PXDNL: variants seen among roughly 807,000 people sequenced by gnomAD.
PXDNL encodes the protein probable oxidoreductase PXDNL.
A neutral mutation model predicts 150.8 loss-of-function variants in PXDNL; 145 were observed. That is an observed-to-expected ratio of 0.96 (90% confidence interval 0.84 to 1.10). The LOEUF is 1.10. Ranked by LOEUF, PXDNL falls within the 50% of genes least tolerant of loss-of-function variation. The pLI, the probability that PXDNL is intolerant of heterozygous loss-of-function variation, is 0.00. For missense variants in PXDNL, 2,087 were observed against 1,873.9 expected (o/e 1.11, Z -2.10); for synonymous variants, 757 against 725.7 (o/e 1.04, Z -0.69).
intron 1 of PXDNL, among the ~76,000 whole-genome samples, chr8:51,730,707 G>A (rs561309852): frequency 3.3e-5 from 5 of 152,198 alleles, no homozygotes; most frequent in Non-Finnish European, 7.4e-5. Flanking sequence ...CTGGGTAATT[G>A]TTAAAGGAAA....
intron 2 of PXDNL, among the ~76,000 whole-genome samples, chr8:51,607,330 T>C (rs2130700425): frequency 6.6e-6 from 1 of 152,260 alleles, no homozygotes; most frequent in East Asian, 1.9e-4. Flanking sequence ...ATAGAAGTAA[T>C]TACTATGATC....
chr8:51,428,408 GT>G, intron 12 of PXDNL, among the ~76,000 whole-genome samples: 1 of 152,162 alleles, frequency 6.6e-6, no homozygotes, highest in Non-Finnish European at 1.5e-5. Context: ...ATAGCTAAAT[GT>G]TTTTGACAAA....
chr8:51,744,348 GAGAA>G (rs2036950643), intron 1 of PXDNL, among the ~76,000 whole-genome samples: 1 of 150,364 alleles, frequency 6.7e-6, no homozygotes, highest in Non-Finnish European at 1.5e-5. Flanking sequence ...GAGAGAAAGA[GAGAA>G]AGAAAAGAGA....
intron 1 of PXDNL, among the ~76,000 whole-genome samples, chr8:51,787,086 C>T (rs1221633329): frequency 4.5e-5 from 6 of 131,992 alleles, no homozygotes; most frequent in Admixed American, 1.7e-4. Context: ...TCTACTGCTG[C>T]AACCTACTTC....
chr8:51,708,138 A>G (rs1030964887), intron 1 of PXDNL, among the ~76,000 whole-genome samples: 1 of 152,220 alleles, frequency 6.6e-6, no homozygotes, highest in Non-Finnish European at 1.5e-5. Context: ...TCCTGAGAAT[A>G]TATGTCGAGT....
At chr8:51,765,854 T>C (rs2037223483) in intron 1 of PXDNL, among the ~76,000 whole-genome samples, 1 of 151,952 alleles carries the variant, frequency 6.6e-6, no homozygotes, top group African/African-American at 2.4e-5. Context: ...TTATTCTTTT[T>C]TTTTTTTGAG....
intron 3 of PXDNL, among the ~76,000 whole-genome samples, chr8:51,561,866 T>TTG (rs2130560578): frequency 6.6e-6 from 1 of 152,112 alleles, no homozygotes; most frequent in East Asian, 1.9e-4. Context: ...ATTTTATGTT[T>TTG]TGTATTTTTT....
chr8:51,339,881 TAAAAG>T lies in PXDNL; in HGVS notation c.4017-133_4017-129del. 5.9e-6 allele frequency: 5 copies of T among 848,240 alleles called. No homozygotes were observed. In the South Asian group the frequency reaches 1.0e-4, roughly 18 times the overall value. The allele number at this position is 848,240 out of a possible 1,614,324, so 52.5% of individuals were successfully genotyped here. A position where few individuals can be genotyped will look rare whatever the true frequency, so the allele number is the denominator to read the frequency against. Reference sequence around the variant, plus strand: ...TTGTGATTGGTGTTCTTTGTGATCTTAAAAGGAAAATGGTATGAGTGGAATTCAAA... The same window carrying T: ...TTGTGATTGGTGTTCTTTGTGATCTTGAAAATGGTATGAGTGGAATTCAAA... On this transcript the variant is annotated intron_variant, in intron 20 of 22. Transcript: ENST00000356297.
Position 51,447,071 on chromosome 8 carries a change from A to T in PXDNL, c.1458T>A (p.Tyr486Ter), listed in dbSNP as rs1401964816. 1 of 1,614,026 alleles carries T rather than the reference A, an allele frequency of 6.2e-7. No homozygotes were observed. Among genetic ancestry groups the T allele is most frequent in the Admixed American group, 1.7e-5 (1 of 60,018 alleles). ...DRAAQHDQGQ[Y>*]ECQAVSSLGV... ...CCAACGAACTGACTGCTTGACATTC[A>T]TATTGGCCTTGATCGTGCTGTGCTG... is the stretch of plus-strand genomic sequence containing the variant. The change falls in exon 12 of 23, where the codon TAT (tyrosine) becomes TAA (stop). Residue 486 changes from tyrosine to a stop codon, truncating the protein, a stop_gained. Coordinates refer to ENST00000356297, the MANE Select transcript of PXDNL (RefSeq NM_144651.5). LOFTEE classifies it high-confidence loss of function.
chr8:51,387,068 T>C (rs1297655904), intron 17 of PXDNL, among the ~76,000 whole-genome samples: 2 of 152,212 alleles, frequency 1.3e-5, no homozygotes, highest in East Asian at 1.9e-4. Flanking sequence ...CAGTCAGAGA[T>C]GAACTAAGCT....
chr8:51,553,740 T>TTATATATATATATATATATA (rs747698313), intron 4 of PXDNL, among the ~76,000 whole-genome samples: 49 of 112,862 alleles, frequency 4.3e-4, no homozygotes, highest in African/African-American at 1.9e-3. Context: ...GTGAGGGATT[T>TTATATATATATATATATATA]TATATATATA....
chr8:51,684,896 C>T (rs1006955313), intron 1 of PXDNL, among the ~76,000 whole-genome samples: 8 of 152,120 alleles, frequency 5.3e-5, no homozygotes, highest in African/African-American at 2.4e-5. Context: ...GCCTGCGTGG[C>T]CTGCAAAGAA....
chr8:51,514,206 A>AGGC (rs1391033216), intron 4 of PXDNL, among the ~76,000 whole-genome samples: 1 of 152,240 alleles, frequency 6.6e-6, no homozygotes. Context: ...AACTAATAGT[A>AGGC]GGCTTTTAAC....
chr8:51,550,167 T>C (rs961028246), intron 4 of PXDNL, among the ~76,000 whole-genome samples: 1 of 151,952 alleles, frequency 6.6e-6, no homozygotes, highest in South Asian at 2.1e-4. Context: ...CAATAACAAG[T>C]AGTGAGATTG....
At chr8:51,528,936 A>T (rs1327081165) in intron 4 of PXDNL, among the ~76,000 whole-genome samples, 1 of 152,198 alleles carries the variant, frequency 6.6e-6, no homozygotes, top group Non-Finnish European at 1.5e-5. Flanking sequence ...GCCAGGCAAG[A>T]CCCACATGGA....
intron 1 of PXDNL, among the ~76,000 whole-genome samples, chr8:51,796,437 AAAGAAG>A (rs2037561541): frequency 1.3e-5 from 2 of 152,098 alleles, no homozygotes; most frequent in Admixed American, 6.5e-5. Context: ...CTAGACTAAT[AAAGAAG>A]AAAAGAGAGA....
chr8:51,433,077 G>A (rs1030567228), intron 12 of PXDNL, among the ~76,000 whole-genome samples: 2 of 151,936 alleles, frequency 1.3e-5, no homozygotes, highest in Admixed American at 6.6e-5. Context: ...GATGTGGCAG[G>A]GCGCCCCTGT....
chr8:51,454,207 G>A (rs983491479), intron 9 of PXDNL, among the ~76,000 whole-genome samples: 2 of 152,124 alleles, frequency 1.3e-5, no homozygotes, highest in African/African-American at 4.8e-5. Context: ...CCTGGAATTC[G>A]GGCAGGAATG....
chr8:51,805,505 A>G (rs1258417513), intron 1 of PXDNL, among the ~76,000 whole-genome samples: 1 of 149,928 alleles, frequency 6.7e-6, no homozygotes, highest in African/African-American at 2.4e-5. Flanking sequence ...GAGCTGAAGG[A>G]ATTCTATTTT....
Sources: allele counts gnomAD v4.1 joint callset (sites outside exome capture counted in the v4.1 genomes callset), GRCh38; gene constraint gnomAD v4.1.1; transcripts MANE v1.5; gene names NCBI Gene and HGNC (gene_info 2026-07-23, HGNC 2026-07-21).